FGF12: variants seen among roughly 807,000 people sequenced by gnomAD.
FGF12 encodes fibroblast growth factor 12.
FGF12 carries 14 observed loss-of-function variants against 23.6 expected under a neutral mutation model. The observed-to-expected ratio is 0.59, with a 90% CI of 0.39 to 0.93. The LOEUF (loss-of-function observed/expected upper bound fraction) is 0.93. Among genes scored for constraint, FGF12 ranks in the 40% least tolerant of loss-of-function variants. FGF12 has a pLI of 0.00. For synonymous variants in FGF12, 62 were observed against 77.3 expected, an observed-to-expected ratio of 0.80 and a Z score of 1.04; for missense variants, 175 against 217.8, an observed-to-expected ratio of 0.80 and a Z score of 1.24.
At chr3:192,440,825 T>A (rs1320486081) in intron 2 of FGF12, among the ~76,000 whole-genome samples, 1 of 152,200 alleles carries the variant, frequency 6.6e-6, no homozygotes, top group Non-Finnish European at 1.5e-5. Flanking sequence ...ATGAGGCTGG[T>A]AACTTTTCTC....
intron 5 of FGF12, among the ~76,000 whole-genome samples, chr3:192,149,919 A>G (rs2108585162): frequency 9.0e-6 from 1 of 111,016 alleles, no homozygotes; most frequent in Non-Finnish European, 1.9e-5. Context: ...GAACTAGTTT[A>G]CAGTCCCACC....
At chr3:192,597,447 A>G (rs1018491579) in intron 2 of FGF12, among the ~76,000 whole-genome samples, 7 of 152,166 alleles carry the variant, frequency 4.6e-5, no homozygotes, top group Non-Finnish European at 1.0e-4. Flanking sequence ...AACATATTGT[A>G]TTTCCATTTG....
At chr3:192,427,040 GCTT>G (rs1479503411) in intron 2 of FGF12, among the ~76,000 whole-genome samples, 1 of 152,134 alleles carries the variant, frequency 6.6e-6, no homozygotes, top group Admixed American at 6.6e-5. Context: ...ATAAATGCTA[GCTT>G]TTTTTCCTGG....
intron 4 of FGF12, among the ~76,000 whole-genome samples, chr3:192,334,572 C>A (rs892264137): frequency 6.6e-6 from 1 of 152,024 alleles, no homozygotes; most frequent in African/African-American, 2.4e-5. Flanking sequence ...TCTCTCAACG[C>A]ATAAATTATT....
chr3:192,545,382 A>G (rs1444609699), intron 2 of FGF12, among the ~76,000 whole-genome samples: 2 of 152,226 alleles, frequency 1.3e-5, no homozygotes, highest in Non-Finnish European at 2.9e-5. Flanking sequence ...AGCATCACAA[A>G]TAACAGTCTT....
At chr3:192,589,802 C>G (rs144601523) in intron 2 of FGF12, among the ~76,000 whole-genome samples, 152 of 151,934 alleles carry the variant, frequency 1.0e-3, no homozygotes, top group Middle Eastern at 3.4e-3. Flanking sequence ...TCGGAGGACA[C>G]AAATCACTTT....
chr3:192,558,935 T>C (rs1028308179), intron 2 of FGF12, among the ~76,000 whole-genome samples: 1 of 151,878 alleles, frequency 6.6e-6, no homozygotes, highest in African/African-American at 2.4e-5. Flanking sequence ...TATTACACCA[T>C]AAACAAAAAT....
intron 2 of FGF12, among the ~76,000 whole-genome samples, chr3:192,551,860 A>G (rs936744477): frequency 5.3e-5 from 8 of 152,184 alleles, no homozygotes; most frequent in Admixed American, 4.6e-4. Context: ...AATGTGACCC[A>G]TAGTCAAAAG....
chr3:192,296,983 A>G (rs1577329540), intron 4 of FGF12, among the ~76,000 whole-genome samples: 1 of 152,214 alleles, frequency 6.6e-6, no homozygotes, highest in Non-Finnish European at 1.5e-5. Context: ...AAGTGCCCAC[A>G]AATGAGAACC....
intron 4 of FGF12, among the ~76,000 whole-genome samples, chr3:192,249,950 T>C (rs959743068): frequency 3.3e-5 from 5 of 152,146 alleles, no homozygotes; most frequent in African/African-American, 1.2e-4. Flanking sequence ...AAAGCAACGA[T>C]TGAGAAAGGC....
Position 192,409,301 on chromosome 3 carries a change from C to T in FGF12, c.14-48763G>A, listed in dbSNP as rs1209503817. Reference sequence around the variant, plus strand: ...CAAAAGGCAGCGATGCCGAAGGTGTCCTCTCCAGCTCGGCGCCCACACGCC... The same window carrying T: ...CAAAAGGCAGCGATGCCGAAGGTGTTCTCTCCAGCTCGGCGCCCACACGCC... On this transcript the variant is annotated intron_variant, in intron 2 of 5. Coordinates refer to ENST00000445105, the MANE Select transcript of FGF12 (RefSeq NM_004113.6). The surrounding 1 kb of genome is among the most constrained non-coding windows in gnomAD (Gnocchi z 4.8). Among the ~76,000 whole-genome samples the T allele has an allele frequency of 6.6e-6, 1 of 152,220 alleles. No homozygotes were observed. The highest frequency in any genetic ancestry group is 1.5e-5 in the Non-Finnish European group (1 of 68,032).
At chr3:192,201,554 A>G (rs940981330) in intron 4 of FGF12, among the ~76,000 whole-genome samples, 10 of 152,202 alleles carry the variant, frequency 6.6e-5, no homozygotes, top group African/African-American at 2.4e-4. Context: ...TATAGCTCCA[A>G]TCAGGCCACA....
At chr3:192,656,280 GACACACACACACACAC>G (rs61645270) in intron 2 of FGF12, among the ~76,000 whole-genome samples, 5 of 110,412 alleles carry the variant, frequency 4.5e-5, no homozygotes, top group South Asian at 3.3e-4. Flanking sequence ...AAGGTGAAAA[GACACACACACACACAC>G]ACACACACAC....
Position 192,365,071 on chromosome 3 carries a change from A to T in FGF12, c.14-4533T>A, listed in dbSNP as rs566528095. Among the ~76,000 whole-genome samples, 23 of 152,314 alleles carry T rather than the reference A, an allele frequency of 1.5e-4. No individual in the cohort carries two copies. The South Asian group carries it at 3.7e-3, about 25-fold the overall frequency. On this transcript the variant is annotated intron_variant, in intron 2 of 5. Coordinates refer to ENST00000445105, the MANE Select transcript of FGF12 (RefSeq NM_004113.6). Reference sequence around the variant, plus strand: ...ACAAATGCCCGTTAAATAATGTTCTACAAAATACTTGACCAGTACTCCTCA... The same window carrying T: ...ACAAATGCCCGTTAAATAATGTTCTTCAAAATACTTGACCAGTACTCCTCA...
chr3:192,437,924 C>T (rs1722078374), intron 2 of FGF12, among the ~76,000 whole-genome samples: 1 of 152,070 alleles, frequency 6.6e-6, no homozygotes, highest in Non-Finnish European at 1.5e-5. Flanking sequence ...TTCTTTTGTC[C>T]CTGAATAAAC....
intron 4 of FGF12, among the ~76,000 whole-genome samples, chr3:192,185,814 G>A (rs569575311): frequency 6.2e-4 from 93 of 150,762 alleles, no homozygotes; most frequent in African/African-American, 2.2e-3. Context: ...AGCCAAGATC[G>A]CACCACTGCA....
chr3:192,638,284 C>G (rs539879259), intron 2 of FGF12, among the ~76,000 whole-genome samples: 2 of 152,194 alleles, frequency 1.3e-5, no homozygotes, highest in South Asian at 4.2e-4. Flanking sequence ...TTAGACATAG[C>G]CTTAGTGACA....
intron 4 of FGF12, among the ~76,000 whole-genome samples, chr3:192,267,553 T>C (rs1193360588): frequency 6.6e-6 from 1 of 152,206 alleles, no homozygotes; most frequent in Non-Finnish European, 1.5e-5. Flanking sequence ...TATCTGTTTT[T>C]ATATCTATCA....
intron 2 of FGF12, among the ~76,000 whole-genome samples, chr3:192,433,586 C>T (rs1501622): frequency 0.7 from 105,741 of 152,092 alleles, 36,988 homozygotes; most frequent in African/African-American, 0.77. Context: ...TTCTGTAAAA[C>T]AGATGATCAG....
Sources: gnomAD v4.1 joint callset for allele counts (sites outside exome capture counted in the v4.1 genomes callset) on GRCh38, gnomAD v4.1.1 for gene constraint, Gnocchi (gnomAD v3.1) non-coding constraint, MANE v1.5 for transcripts, NCBI Gene and HGNC (gene_info 2026-07-23, HGNC 2026-07-21) for gene names.